TSHZ2: variants seen among roughly 807,000 people sequenced by gnomAD.
The protein encoded by TSHZ2 is teashirt zinc finger homeobox 2, also known as teashirt homolog 2.
A neutral mutation model predicts 74.4 loss-of-function variants in TSHZ2; 21 were observed. That is an observed-to-expected ratio of 0.28 (90% CI 0.20 to 0.41). The LOEUF is 0.41. Ranked by LOEUF, TSHZ2 falls within the 10% of genes least tolerant of loss-of-function variation. TSHZ2 has a pLI of 1.00. For synonymous variants in TSHZ2, 540 were observed against 515.3 expected (o/e 1.05, Z -0.65); for missense variants, 1,244 against 1,293.5 (o/e 0.96, Z 0.59).
At chr20:53,189,857 G>A (rs1356865701) in intron 1 of TSHZ2, among the ~76,000 whole-genome samples, 1 of 151,722 alleles carries the variant, frequency 6.6e-6, no homozygotes, top group Non-Finnish European at 1.5e-5. Context: ...GCCAAGGTGG[G>A]CAGATTGCTT....
chr20:53,375,974 C>G (rs1246557517), intron 2 of TSHZ2, among the ~76,000 whole-genome samples: 1 of 152,116 alleles, frequency 6.6e-6, no homozygotes, highest in Non-Finnish European at 1.5e-5. Flanking sequence ...TAAACATTTG[C>G]CAATTCAGTT....
At chr20:53,381,367 C>A (rs982090366) in intron 2 of TSHZ2, among the ~76,000 whole-genome samples, 1 of 152,204 alleles carries the variant, frequency 6.6e-6, no homozygotes, top group Non-Finnish European at 1.5e-5. Flanking sequence ...CCTCTAATAT[C>A]ATTTGCTGGA....
intron 1 of TSHZ2, among the ~76,000 whole-genome samples, chr20:53,191,858 C>T (rs1397277631): frequency 6.6e-6 from 1 of 152,212 alleles, no homozygotes. Context: ...AGCAGGCATA[C>T]ATACACATGT....
intron 2 of TSHZ2, among the ~76,000 whole-genome samples, chr20:53,413,866 AT>A (rs1983141749): frequency 6.6e-6 from 1 of 152,234 alleles, no homozygotes; most frequent in Non-Finnish European, 1.5e-5. Context: ...GTTCTTAAAA[AT>A]AATATTAATA....
rs528123670 is a variant in TSHZ2, at chr20:53,479,802, G to C, written c.*9-7342G>C. Among the ~76,000 whole-genome samples, 26 of 152,318 alleles carry C rather than the reference G, an allele frequency of 1.7e-4. No individual in the cohort carries two copies. In the East Asian group the frequency reaches 4.6e-3, roughly 27 times the overall value. ...CTCAGGGGTAAAGCAGATGCTGCTG[G>C]CATCTAGTGGGTAGAAGCCAGGGAT... On this transcript the variant is annotated intron_variant, in intron 2 of 2. Transcript: ENST00000371497.
chr20:53,195,154 G>A (rs1988830878), intron 1 of TSHZ2, among the ~76,000 whole-genome samples: 1 of 152,142 alleles, frequency 6.6e-6, no homozygotes, highest in African/African-American at 2.4e-5. Flanking sequence ...AAGGCTTTGA[G>A]ACATGGCACA....
intron 2 of TSHZ2, among the ~76,000 whole-genome samples, chr20:53,357,402 C>T (rs1054101629): frequency 2.6e-5 from 4 of 152,030 alleles, no homozygotes; most frequent in East Asian, 1.9e-4. Flanking sequence ...TAGTGGCTCA[C>T]GCCTGTAATT....
At chr20:53,169,256 A>T (rs1988133429) in intron 1 of TSHZ2, among the ~76,000 whole-genome samples, 1 of 152,178 alleles carries the variant, frequency 6.6e-6, no homozygotes, top group Non-Finnish European at 1.5e-5. Flanking sequence ...TGAAACAAAA[A>T]CTGTATTGTC....
chr20:53,063,959 C>T (rs1413509521), intron 1 of TSHZ2, among the ~76,000 whole-genome samples: 1 of 152,138 alleles, frequency 6.6e-6, no homozygotes, highest in Non-Finnish European at 1.5e-5. Flanking sequence ...TGTATTAGAA[C>T]TGGAAGCCTC....
At chr20:53,297,812 C>T (rs555556066) in intron 2 of TSHZ2, among the ~76,000 whole-genome samples, 5 of 152,328 alleles carry the variant, frequency 3.3e-5, no homozygotes, top group Middle Eastern at 6.8e-3. Flanking sequence ...TAGGCCCATG[C>T]CTGACACACT....
At chr20:53,119,222 A>T (rs1986745708) in intron 1 of TSHZ2, among the ~76,000 whole-genome samples, 1 of 152,222 alleles carries the variant, frequency 6.6e-6, no homozygotes, top group Admixed American at 6.5e-5. Flanking sequence ...CTGCCAAAAA[A>T]GATCTATTTT....
At chr20:53,224,632 C>A (rs1409276185) in intron 1 of TSHZ2, among the ~76,000 whole-genome samples, 1 of 151,938 alleles carries the variant, frequency 6.6e-6, no homozygotes, top group Non-Finnish European at 1.5e-5. Context: ...GATGAATCAC[C>A]TGAGGTCAGG....
At chr20:53,324,866 T>A (rs1979427825) in intron 2 of TSHZ2, among the ~76,000 whole-genome samples, 3 of 152,224 alleles carry the variant, frequency 2.0e-5, no homozygotes, top group African/African-American at 7.2e-5. Context: ...GCTTCAACCC[T>A]GTGTCGGGAC....
intron 2 of TSHZ2, among the ~76,000 whole-genome samples, chr20:53,400,902 C>T (rs550009710): frequency 1.9e-4 from 29 of 152,314 alleles, no homozygotes; most frequent in Admixed American, 2.0e-4. Flanking sequence ...ATTCAGATCC[C>T]ACCTATGTTG....
At chr20:53,034,822 C>T (rs561768300) in intron 1 of TSHZ2, among the ~76,000 whole-genome samples, 29 of 152,304 alleles carry the variant, frequency 1.9e-4, no homozygotes, top group African/African-American at 7.0e-4. Context: ...AGAGCCCACT[C>T]CTGCAGGATC....
At chr20:52,997,785 G>T (rs966710795) in intron 1 of TSHZ2, among the ~76,000 whole-genome samples, 2 of 152,204 alleles carry the variant, frequency 1.3e-5, no homozygotes, top group Non-Finnish European at 2.9e-5. Context: ...CAGGCAGAGG[G>T]TTTTGCTCTG....
chr20:53,169,135 G>A (rs551007345), intron 1 of TSHZ2, among the ~76,000 whole-genome samples: 1 of 152,150 alleles, frequency 6.6e-6, no homozygotes, highest in African/African-American at 2.4e-5. Flanking sequence ...GGGATGGATA[G>A]GTATCTAGGA....
At chr20:53,069,780 T>C (rs2123193337) in intron 1 of TSHZ2, among the ~76,000 whole-genome samples, 1 of 151,092 alleles carries the variant, frequency 6.6e-6, no homozygotes, top group South Asian at 2.1e-4. Context: ...ATTAATACAG[T>C]GGGTTTGACA....
chr20:53,488,584 G>A lies in TSHZ2; in HGVS notation c.*1449G>A. On this transcript the variant is annotated 3_prime_UTR_variant, in exon 3 of 3. Transcript: ENST00000371497. ...TATTCTCAAAGGACAAATACGTCTGGATTATGTGGTAAATTGCTACTCAGC... is the reference window on the plus strand; with the variant it reads ...TATTCTCAAAGGACAAATACGTCTGAATTATGTGGTAAATTGCTACTCAGC... The A allele has an allele frequency of 5.6e-6, 1 of 177,028 alleles. No homozygotes were observed. Among genetic ancestry groups the A allele is most frequent in the Non-Finnish European group, 1.2e-5 (1 of 83,536 alleles). 11.0% of individuals were successfully genotyped at this position (177,028 alleles called of 1,614,324 possible).
Sources: allele counts gnomAD v4.1 joint callset (sites outside exome capture counted in the v4.1 genomes callset), GRCh38; gene constraint gnomAD v4.1.1; transcripts MANE v1.5; gene names NCBI Gene and HGNC (gene_info 2026-07-23, HGNC 2026-07-21).